Variants in CASQ2 observed in about 807,000 individuals in gnomAD.
The protein encoded by CASQ2 is calsequestrin-2.
CASQ2 carries 49 observed loss-of-function variants against 46.5 expected under a neutral mutation model. That is an observed-to-expected ratio of 1.05 (90% CI 0.84 to 1.34). CASQ2 has a LOEUF of 1.34. Among genes scored for constraint, CASQ2 ranks in the 40% most tolerant of loss-of-function variants. CASQ2 has a pLI of 0.00. For missense variants in CASQ2, 486 were observed against 481.3 expected (o/e 1.01, Z -0.09); for synonymous variants, 174 against 168.5 (o/e 1.03, Z -0.25).
intron 8 of CASQ2, among the ~76,000 whole-genome samples, chr1:115,716,244 T>G (rs1654697181): frequency 6.6e-6 from 1 of 152,326 alleles, no homozygotes; most frequent in East Asian, 1.9e-4. Context: ...AAATCAATTT[T>G]CCTGCACTTC....
chr1:115,745,766 A>C (rs1648365837), intron 1 of CASQ2, among the ~76,000 whole-genome samples: 1 of 152,228 alleles, frequency 6.6e-6, no homozygotes, highest in African/African-American at 2.4e-5. Context: ...TTAAACTTAG[A>C]AAAAAGATAA....
chr1:115,714,916 A>G (rs1654651490), intron 8 of CASQ2, among the ~76,000 whole-genome samples: 1 of 152,212 alleles, frequency 6.6e-6, no homozygotes, highest in Non-Finnish European at 1.5e-5. Flanking sequence ...ATATTTGTGC[A>G]GGGAGGAGGT....
At position 115,768,534 on chromosome 1, in the gene CASQ2, C is replaced by G. The variant is rs780771730; in HGVS notation, c.8G>C (p.Arg3Thr). The change falls in exon 1 of 11, where the codon AGA becomes ACA. Residue 3 changes from arginine (R) to threonine (T), a missense_variant. Arg to Thr is a moderately conservative substitution (Grantham distance 71). Transcript: ENST00000261448. ...AATCCCCACAATAAACAAGTGAGTT[C>G]TCTTCATTTGGGAAAACTTTTGTTT... MK[R>T]THLFIVGIYF... 1 of 1,608,460 alleles carries G rather than the reference C, an allele frequency of 6.2e-7. No homozygotes were observed. Among genetic ancestry groups the G allele is most frequent in the Non-Finnish European group, 8.5e-7 (1 of 1,174,942 alleles).
At chr1:115,715,961 CACTA>C (rs1654688375) in intron 8 of CASQ2, among the ~76,000 whole-genome samples, 1 of 152,180 alleles carries the variant, frequency 6.6e-6, no homozygotes, top group Non-Finnish European at 1.5e-5. Context: ...CATGATCTGC[CACTA>C]ACTGTGTTCT....
intron 8 of CASQ2, among the ~76,000 whole-genome samples, chr1:115,712,813 G>A (rs1474531923): frequency 1.4e-5 from 2 of 146,266 alleles, no homozygotes; most frequent in Admixed American, 1.4e-4. Context: ...CAGAGATGGT[G>A]CCACTGCACT....
chr1:115,766,694 A>G (rs567830218), intron 1 of CASQ2, among the ~76,000 whole-genome samples: 23 of 152,234 alleles, frequency 1.5e-4, no homozygotes, highest in African/African-American at 5.5e-4. Flanking sequence ...AGGGGCATCA[A>G]ATTAACTCCT....
At chr1:115,754,002 G>A (rs1230070231) in intron 1 of CASQ2, among the ~76,000 whole-genome samples, 1 of 152,118 alleles carries the variant, frequency 6.6e-6, no homozygotes, top group Non-Finnish European at 1.5e-5. Context: ...CTCTTTTCAT[G>A]TAAGCCAAGA....
intron 1 of CASQ2, among the ~76,000 whole-genome samples, chr1:115,757,572 C>G (rs982889209): frequency 6.6e-6 from 1 of 152,188 alleles, no homozygotes; most frequent in Non-Finnish European, 1.5e-5. Context: ...CTTCATTTTG[C>G]CTTCCTCTCT....
At chr1:115,712,599 C>T (rs1328351630) in intron 8 of CASQ2, among the ~76,000 whole-genome samples, 2 of 152,134 alleles carry the variant, frequency 1.3e-5, no homozygotes, top group Admixed American at 1.3e-4. Context: ...TATGTTGATA[C>T]TTGTTAAGTG....
At chr1:115,715,081 C>T (rs1654657803) in intron 8 of CASQ2, among the ~76,000 whole-genome samples, 1 of 152,224 alleles carries the variant, frequency 6.6e-6, no homozygotes, top group South Asian at 2.1e-4. Context: ...GGAAGGAGCC[C>T]TCTGGAGTCT....
At chr1:115,716,541 G>A (rs983652078) in intron 8 of CASQ2, among the ~76,000 whole-genome samples, 3 of 152,190 alleles carry the variant, frequency 2.0e-5, no homozygotes, top group Admixed American at 6.5e-5. Context: ...AAGTTCACAC[G>A]TGCACACACA....
At chr1:115,725,811 C>A (rs951417781) in intron 6 of CASQ2, among the ~76,000 whole-genome samples, 3 of 152,150 alleles carry the variant, frequency 2.0e-5, no homozygotes, top group Admixed American at 2.0e-4. Flanking sequence ...CTTTTACAAA[C>A]AATGGGTCAG....
At chr1:115,749,718 G>T (rs1456508752) in intron 1 of CASQ2, among the ~76,000 whole-genome samples, 3 of 152,220 alleles carry the variant, frequency 2.0e-5, no homozygotes, top group African/African-American at 4.8e-5. Context: ...CCTCTGCTGG[G>T]CCAGTGGGGC....
chr1:115,742,496 C>T (rs1245163353), intron 2 of CASQ2, among the ~76,000 whole-genome samples: 1 of 152,086 alleles, frequency 6.6e-6, no homozygotes, highest in Non-Finnish European at 1.5e-5. Context: ...TCCTATAAAC[C>T]CCCAGGGATC....
At chr1:115,740,634 A>G (rs1648142798) in intron 3 of CASQ2, 94 bp downstream of exon 3, 2 of 822,984 alleles carry the variant, frequency 2.4e-6, no homozygotes, top group Non-Finnish European at 2.1e-6. Context: ...AGATGAGGCC[A>G]GGTTCTCCAG....
chr1:115,744,729 G>C, intron 2 of CASQ2, 99 bp downstream of exon 2: 1 of 789,256 alleles, frequency 1.3e-6, no homozygotes, highest in Non-Finnish European at 2.2e-6. Flanking sequence ...TATTTTAAAA[G>C]ATAGTCCGCT....
At chr1:115,710,413 G>C (rs992677623) in intron 8 of CASQ2, among the ~76,000 whole-genome samples, 1 of 152,180 alleles carries the variant, frequency 6.6e-6, no homozygotes, top group East Asian at 1.9e-4. Context: ...AAGTCTGCAC[G>C]TCTGGAGCCA....
chr1:115,755,462 G>C (rs1362061104), intron 1 of CASQ2, among the ~76,000 whole-genome samples: 1 of 152,146 alleles, frequency 6.6e-6, no homozygotes, highest in African/African-American at 2.4e-5. Flanking sequence ...TTAAAAAGGG[G>C]GTGAGGTGCT....
At chr1:115,722,254 T>C (rs961855905) in intron 7 of CASQ2, among the ~76,000 whole-genome samples, 20 of 152,220 alleles carry the variant, frequency 1.3e-4, no homozygotes, top group Non-Finnish European at 4.4e-5. Flanking sequence ...CGCTGCTCTC[T>C]TCCCCAAGTT....
Sources: allele counts gnomAD v4.1 joint callset (sites outside exome capture counted in the v4.1 genomes callset), GRCh38; gene constraint gnomAD v4.1.1; transcripts MANE v1.5; gene names NCBI Gene and HGNC (gene_info 2026-07-23, HGNC 2026-07-21).